ACACA: variants seen among roughly 807,000 people sequenced by gnomAD.
ACACA encodes the protein acetyl-CoA carboxylase alpha, also known as acetyl-CoA carboxylase 1.
Under a neutral mutation model 296.1 loss-of-function variants are expected in ACACA, and 103 were observed. That is an observed-to-expected ratio of 0.35 (90% CI 0.30 to 0.41). The LOEUF is 0.41. Ranked by LOEUF, ACACA falls within the 10% of genes least tolerant of loss-of-function variation. The pLI, the probability that ACACA is intolerant of heterozygous loss-of-function variation, is 1.00. For synonymous variants in ACACA, 953 were observed against 1,038.6 expected, an observed-to-expected ratio of 0.92 and a Z score of 1.58; for missense variants, 1,554 against 2,989.7, an observed-to-expected ratio of 0.52 and a Z score of 11.20.
At chr17:37,096,894 C>T (rs1418498091) in intron 54 of ACACA, 102 bp downstream of exon 54, 3 of 1,387,614 alleles carry the variant, frequency 2.2e-6, no homozygotes, top group Non-Finnish European at 2.1e-6. Flanking sequence ...CCCTTCTACT[C>T]CTGCCCTTAG....
intron 1 of ACACA, among the ~76,000 whole-genome samples, chr17:37,398,099 G>A (rs1467689389): frequency 7.9e-5 from 12 of 151,120 alleles, no homozygotes; most frequent in African/African-American, 2.9e-4. Flanking sequence ...GCGTGGTGGC[G>A]CGCGCCTGTA....
At chr17:37,375,609 T>C (rs997841813) in intron 1 of ACACA, among the ~76,000 whole-genome samples, 1 of 152,196 alleles carries the variant, frequency 6.6e-6, no homozygotes. Context: ...TAGAACTCAA[T>C]TGTACTGACT....
chr17:37,200,577 T>A, intron 33 of ACACA, 94 bp from the exon 34 acceptor site: 1 of 1,158,194 alleles, frequency 8.6e-7, no homozygotes, highest in Non-Finnish European at 1.3e-6. Flanking sequence ...TTGGTGGAGT[T>A]AAACATCCTT....
rs56691119 is a variant in ACACA, at chr17:37,175,192, A to T, written c.5079+4068T>A. Among the ~76,000 whole-genome samples, 93 of 152,356 alleles carry T rather than the reference A, an allele frequency of 6.1e-4. 1 individual carries two copies. The East Asian group carries it at 0.017, about 28-fold the overall frequency. ...TGATAAAAAGAAATAAAATAAAAGA[A>T]TGCTAGTAACTTATTTCAGAATAAA... On this transcript the variant is annotated intron_variant, in intron 41 of 55. Transcript: ENST00000616317.
intron 3 of ACACA, among the ~76,000 whole-genome samples, chr17:37,304,391 A>G (rs566967386): frequency 3.9e-5 from 6 of 152,268 alleles, no homozygotes; most frequent in African/African-American, 1.4e-4. Flanking sequence ...TCCTGGGCTC[A>G]GGAAATCCAC....
intron 10 of ACACA, among the ~76,000 whole-genome samples, chr17:37,265,778 G>A (rs1222633968): frequency 6.6e-6 from 1 of 152,054 alleles, no homozygotes. Context: ...CTTAATCCAT[G>A]GCATCCCCTG....
In ACACA at chr17:37,173,964, C is replaced by T. The variant is rs575900067; in HGVS notation, c.5079+5296G>A. ...GAGTAGCTGGGATTACAGGCGCCTG[C>T]CAACACGCCTGGCTAATTTATATAT... On this transcript the variant is annotated intron_variant, in intron 41 of 55. Transcript: ENST00000616317. Among the ~76,000 whole-genome samples the T allele has an allele frequency of 3.4e-5, 4 of 116,700 alleles. No individual in the cohort carries two copies. The East Asian group carries it at 7.0e-4, about 20-fold the overall frequency. 76.6% of individuals were successfully genotyped at this position (116,700 alleles called of 152,430 possible).
At position 37,122,696 on chromosome 17, in the gene ACACA, T is replaced by C. The variant is rs1462043336; in HGVS notation, c.6042-69A>G. 6.6e-6 allele frequency: 9 copies of C among 1,359,180 alleles called. No homozygotes were observed. The African/African-American group carries it at 1.1e-4, about 17-fold the overall frequency. The allele number at this position is 1,359,180 out of a possible 1,614,324, so 84.2% of individuals were successfully genotyped here. On this transcript the variant is annotated intron_variant, in intron 48 of 55. Transcript: ENST00000616317. Reference sequence around the variant, plus strand: ...TTATAGCTAGCCATTTGTTTTCCAATCCCAAATCAAGACATTGGGGAAAAA... The same window carrying C: ...TTATAGCTAGCCATTTGTTTTCCAACCCCAAATCAAGACATTGGGGAAAAA...
chr17:37,146,056 A>T (rs1048297560), intron 45 of ACACA, among the ~76,000 whole-genome samples: 2 of 152,220 alleles, frequency 1.3e-5, no homozygotes, highest in Admixed American at 1.3e-4. Context: ...TAAAACATGT[A>T]AGTATACAGA....
intron 1 of ACACA, chr17:37,388,076 G>A (rs996160053): frequency 1.3e-5 from 2 of 152,528 alleles, no homozygotes; most frequent in African/African-American, 4.8e-5. Context: ...AAGGTGGGAG[G>A]ATGGTTTGAG....
chr17:37,179,353 G>T lies in ACACA; in HGVS notation c.4986C>A (p.Pro1662=). The change falls in exon 41 of 56, where the codon CCC becomes CCA. Residue 1662 remains proline (P), a synonymous_variant. Transcript: ENST00000616317. ...SMSTQAFLPS[P]PLPSDMLTYT... ...AAGTCAGCATGTCAGAAGGCAGAGG[G>T]GGAGATGGAAGAAATGCTTGAGTGG... The T allele has an allele frequency of 6.2e-7, 1 of 1,614,150 alleles. No homozygotes were observed. The highest frequency in any genetic ancestry group is 8.5e-7 in the Non-Finnish European group (1 of 1,180,016).
intron 13 of ACACA, 54 bp downstream of exon 13, chr17:37,258,158 C>G: frequency 6.3e-7 from 1 of 1,584,304 alleles, no homozygotes; most frequent in Non-Finnish European, 8.7e-7. Flanking sequence ...CAGATACTAT[C>G]TTAACATTAA....
chr17:37,180,532 C>T (rs951165549), intron 40 of ACACA, among the ~76,000 whole-genome samples: 1 of 152,046 alleles, frequency 6.6e-6, no homozygotes, highest in African/African-American at 2.4e-5. Flanking sequence ...TTATTCTTTA[C>T]TGGTTGCATT....
At chr17:37,115,298 C>A (rs529285989) in intron 50 of ACACA, among the ~76,000 whole-genome samples, 2 of 152,236 alleles carry the variant, frequency 1.3e-5, no homozygotes, top group South Asian at 4.2e-4. Context: ...TAAATTAATT[C>A]TTTAGTGGAT....
rs144363574 is a variant in ACACA at position 37,085,192 on chromosome 17, C to A, written c.*2124G>T. ...ATTTATACTCCTCCTGCCTTAGTAG[C>A]CTTGCATGTTTGAGGGGCTGTGGGA... is the stretch of plus-strand genomic sequence containing the variant. On this transcript the variant is annotated 3_prime_UTR_variant, in exon 56 of 56. Coordinates refer to ENST00000616317, the MANE Select transcript of ACACA (RefSeq NM_198834.3). 5.0e-5 allele frequency: 8 copies of A among 159,866 alleles called. No individual in the cohort carries two copies. The East Asian group carries it at 1.5e-3, about 29-fold the overall frequency. 9.9% of individuals were successfully genotyped at this position (159,866 alleles called of 1,614,324 possible). A position where few individuals can be genotyped will look rare whatever the true frequency, so the allele number is the denominator to read the frequency against.
intron 10 of ACACA, among the ~76,000 whole-genome samples, chr17:37,268,713 A>ATATC (rs1187101546): frequency 0.022 from 2,963 of 135,506 alleles, 50 homozygotes; most frequent in Middle Eastern, 0.052. Flanking sequence ...ATCTATATCT[A>ATATC]TATCTATCTA....
At chr17:37,335,794 G>A (rs2048090310) in intron 2 of ACACA, among the ~76,000 whole-genome samples, 1 of 152,188 alleles carries the variant, frequency 6.6e-6, no homozygotes, top group Admixed American at 6.5e-5. Flanking sequence ...TAACTCCCTA[G>A]CAGCAGTAGT....
At position 37,097,734 on chromosome 17, in the gene ACACA, C is replaced by T; in HGVS notation, c.6720+96G>A. 1 of 1,463,702 alleles carries T rather than the reference C, an allele frequency of 6.8e-7. No homozygotes were observed. The highest frequency in any genetic ancestry group is 9.4e-7 in the Non-Finnish European group (1 of 1,067,510). The allele number at this position is 1,463,702 out of a possible 1,614,324, so 90.7% of individuals were successfully genotyped here. ...ATCTGCAGAAGTTGTTTTAATTTGGCCCTCATAGCTCCCTGCTTATGAGCC... is the reference window on the plus strand; with the variant it reads ...ATCTGCAGAAGTTGTTTTAATTTGGTCCTCATAGCTCCCTGCTTATGAGCC... On this transcript the variant is annotated intron_variant, in intron 53 of 55. Coordinates refer to ENST00000616317, the MANE Select transcript of ACACA (RefSeq NM_198834.3). This position sits in a 1 kb window ranked among gnomAD's most constrained non-coding sequence, Gnocchi z 4.8.
chr17:37,107,102 C>T (rs765370370), intron 52 of ACACA, among the ~76,000 whole-genome samples: 2 of 152,194 alleles, frequency 1.3e-5, no homozygotes, highest in Non-Finnish European at 2.9e-5. Context: ...TCATCAGCCT[C>T]CTTACCGCAA....
Sources: allele counts gnomAD v4.1 joint callset (sites outside exome capture counted in the v4.1 genomes callset), GRCh38; gene constraint gnomAD v4.1.1; non-coding constraint Gnocchi (gnomAD v3.1); transcripts MANE v1.5; gene names NCBI Gene and HGNC (gene_info 2026-07-23, HGNC 2026-07-21).